The following SMCHD1 variants were observed in gnomAD, a reference collection of about 807,000 sequenced individuals.
SMCHD1 encodes the protein structural maintenance of chromosomes flexible hinge domain containing 1.
A neutral mutation model predicts 254.7 loss-of-function variants in SMCHD1; 78 were observed. That is an observed-to-expected ratio of 0.31 (90% CI 0.26 to 0.37). The LOEUF is 0.37. SMCHD1 is among the 10% of genes least tolerant of loss of function. The pLI, the probability that SMCHD1 is intolerant of heterozygous loss-of-function variation, is 1.00. For synonymous variants in SMCHD1, 766 were observed against 794.9 expected, an observed-to-expected ratio of 0.96 and a Z score of 0.61; for missense variants, 1,840 against 2,408.1, an observed-to-expected ratio of 0.76 and a Z score of 4.94.
intron 47 of SMCHD1, 55 bp from the exon 48 acceptor site, chr18:2,802,473 C>T: frequency 7.1e-7 from 1 of 1,414,688 alleles, no homozygotes; most frequent in Non-Finnish European, 9.6e-7. Flanking sequence ...TGAGGGAATT[C>T]AGGGAAAGGA....
At chr18:2,688,067 A>T (rs931117113) in intron 5 of SMCHD1, among the ~76,000 whole-genome samples, 3 of 152,236 alleles carry the variant, frequency 2.0e-5, no homozygotes, top group Non-Finnish European at 4.4e-5. Flanking sequence ...TTGAAGTAGC[A>T]AACAGTTTTG....
At chr18:2,790,663 A>G (rs553149022) in intron 45 of SMCHD1, among the ~76,000 whole-genome samples, 1 of 152,302 alleles carries the variant, frequency 6.6e-6, no homozygotes, top group Non-Finnish European at 1.5e-5. Flanking sequence ...TGGGAGGCTG[A>G]GACAAGAGAA....
intron 44 of SMCHD1, among the ~76,000 whole-genome samples, chr18:2,781,501 A>G (rs1410486042): frequency 6.6e-6 from 1 of 152,224 alleles, no homozygotes; most frequent in Non-Finnish European, 1.5e-5. Flanking sequence ...AATAATTTCC[A>G]CATTGAAAAT....
At chr18:2,688,578 T>C (rs1199848988) in intron 6 of SMCHD1, 50 bp from the exon 7 acceptor site, 3 of 1,579,452 alleles carry the variant, frequency 1.9e-6, no homozygotes, top group Admixed American at 1.8e-5. Context: ...TCTAAATGCA[T>C]TAACCAGTTT....
intron 36 of SMCHD1, among the ~76,000 whole-genome samples, chr18:2,763,201 G>C (rs1424151898): frequency 6.6e-6 from 1 of 152,088 alleles, no homozygotes; most frequent in Non-Finnish European, 1.5e-5. Flanking sequence ...TTACTCCAAG[G>C]GTCTTTGAAT....
At position 2,688,642 on chromosome 18, in the gene SMCHD1, T is replaced by C; in HGVS notation, c.768T>C (p.Pro256=). Residue 256 remains proline (P), a synonymous_variant, in exon 7 of 48, where the codon CCT becomes CCC. Transcript: ENST00000320876. ...ATATTTAACAGATGATAAGCAAACCTGCAGATTCCCAAGATGTTCACGAGC... is the reference window on the plus strand; with the variant it reads ...ATATTTAACAGATGATAAGCAAACCCGCAGATTCCCAAGATGTTCACGAGC... ...VGQSARMISK[P]ADSQDVHELV... is the part of the protein sequence containing the mutation. 6.4e-7 allele frequency: 1 copy of C among 1,558,874 alleles called. No homozygotes were observed. The highest frequency in any genetic ancestry group is 8.7e-7 in the Non-Finnish European group (1 of 1,152,788).
intron 20 of SMCHD1, among the ~76,000 whole-genome samples, chr18:2,723,117 C>G (rs1184787308): frequency 2.6e-5 from 4 of 152,136 alleles, no homozygotes; most frequent in African/African-American, 9.7e-5. Context: ...ATTTTCTCGA[C>G]CTTATGATTA....
In SMCHD1 at chr18:2,796,417, C is replaced by A. The variant is rs2143862551; in HGVS notation, c.5889C>A (p.Pro1963=). 6.3e-7 allele frequency: 1 copy of A among 1,586,566 alleles called. No homozygotes were observed. The highest frequency in any genetic ancestry group is 8.6e-7 in the Non-Finnish European group (1 of 1,164,894). The part of the protein sequence containing the change: ...KLIEEKLGMT[P]IRKCNDSLRH... Reference sequence around the variant, plus strand: ...TTTCCATCTTCACAGGTATGACTCCCATACGTAAGTGTAATGACTCATTGC... The same window carrying A: ...TTTCCATCTTCACAGGTATGACTCCAATACGTAAGTGTAATGACTCATTGC... The change falls in exon 47 of 48, where the codon CCC becomes CCA. Residue 1963 remains proline (P), a synonymous_variant. Transcript: ENST00000320876.
chr18:2,714,758 T>C (rs2074759887), intron 17 of SMCHD1, among the ~76,000 whole-genome samples: 1 of 152,050 alleles, frequency 6.6e-6, no homozygotes, highest in Admixed American at 6.5e-5. Flanking sequence ...AGTGAATTTC[T>C]TCAGGATTTG....
chr18:2,679,782 T>G lies in SMCHD1; in HGVS notation c.638+5637T>G, dbSNP rs185496659. ...AAAGTTTTTCTTCAAATTTGGGGAG[T>G]TTTTGGCCATTTTTTTCTCTAAGTA... On this transcript the variant is annotated intron_variant, in intron 5 of 47. Coordinates refer to ENST00000320876, the MANE Select transcript of SMCHD1 (RefSeq NM_015295.3). 3.5e-3 allele frequency among the ~76,000 whole-genome samples: 528 copies of G among 152,004 alleles called. 2 individuals carry two copies. Among genetic ancestry groups the G allele is most frequent in the Middle Eastern group, 0.01 (3 of 294 alleles).
intron 33 of SMCHD1, 87 bp downstream of exon 33, chr18:2,751,480 G>T: frequency 3.0e-6 from 2 of 674,644 alleles, no homozygotes; most frequent in South Asian, 3.8e-5. Flanking sequence ...AATATATAAT[G>T]TTATATAAAT....
At chr18:2,685,446 GA>G (rs1210815896) in intron 5 of SMCHD1, among the ~76,000 whole-genome samples, 3 of 152,118 alleles carry the variant, frequency 2.0e-5, no homozygotes, top group African/African-American at 7.2e-5. Flanking sequence ...ATTGTGGTAA[GA>G]TATAAATAAC....
Position 2,773,161 on chromosome 18 carries a change from C to T in SMCHD1, c.5175+789C>T, listed in dbSNP as rs956341207. On this transcript the variant is annotated intron_variant, in intron 41 of 47. Transcript: ENST00000320876. The stretch of plus-strand genomic sequence containing the variant: ...AATGTGTATGACCAAAACCGTGTTA[C>T]GTTATTACCCAAACCTCAGATCCGC... 7.9e-5 allele frequency among the ~76,000 whole-genome samples: 12 copies of T among 152,158 alleles called. No homozygotes were observed. The South Asian group carries it at 1.7e-3, about 21-fold the overall frequency.
chr18:2,751,319 A>G lies in SMCHD1; in HGVS notation c.4207A>G (p.Lys1403Glu). 1.3e-6 allele frequency: 2 copies of G among 1,580,462 alleles called. No homozygotes were observed. The highest frequency in any genetic ancestry group is 1.7e-6 in the Non-Finnish European group (2 of 1,168,540). ...TATTTCTGAAGATGACAGTATCATTAAAAACATTAATCCAGCACGTATTTC... is the reference window on the plus strand; with the variant it reads ...TATTTCTGAAGATGACAGTATCATTGAAAACATTAATCCAGCACGTATTTC... ...SVISEDDSII[K>E]NINPARISMK... The change falls in exon 33 of 48, where the codon AAA becomes GAA. Residue 1403 changes from lysine (K) to glutamate (E), a missense_variant. Physicochemically the swap from Lys to Glu is moderately conservative, Grantham distance 56 (BLOSUM62 1). Transcript: ENST00000320876.
Position 2,718,772 on chromosome 18 carries a change from C to T in SMCHD1, c.2458+338C>T, listed in dbSNP as rs115362576. Among the ~76,000 whole-genome samples the T allele has an allele frequency of 8.8e-3, 1,332 of 152,174 alleles. 22 individuals are homozygous for T. Among genetic ancestry groups the T allele is most frequent in the African/African-American group, 0.03 (1,261 of 41,506 alleles). On this transcript the variant is annotated intron_variant, in intron 19 of 47. Transcript: ENST00000320876. This position sits in a 1 kb window ranked among gnomAD's most constrained non-coding sequence, Gnocchi z 4.6. ...TTCGCCATGTTGACTAGGCTGGTCT[C>T]GATCTCATAACTTCTGATGATCTAC...
Position 2,703,827 on chromosome 18 carries a change from C to A in SMCHD1, c.1783C>A (p.Pro595Thr). ...RPDLPSKKQG[P>T]WATYAAIEWD... is the part of the protein sequence containing the mutation. ...TGATCTTCCTTCTAAAAAGCAAGGT[C>A]CCTGGGCAACATATGCAGCAATAGA... Residue 595 changes from proline (P) to threonine (T), a missense_variant, in exon 13 of 48, where the codon CCC becomes ACC. By Grantham distance (38) the Pro-to-Thr change is conservative. This residue lies in a region of SMCHD1 where 498 missense variants were observed against 743.5 expected (regional missense o/e 0.67). Transcript: ENST00000320876. 1 of 1,612,730 alleles carries A rather than the reference C, an allele frequency of 6.2e-7. No homozygotes were observed. Among genetic ancestry groups the A allele is most frequent in the South Asian group, 1.1e-5 (1 of 90,986 alleles).
At chr18:2,777,144 C>CTAAG (rs1555653871) in intron 42 of SMCHD1, among the ~76,000 whole-genome samples, 1 of 150,280 alleles carries the variant, frequency 6.7e-6, no homozygotes, top group African/African-American at 2.4e-5. Context: ...TCCCTGGAGA[C>CTAAG]TAAGTTAAGG....
intron 7 of SMCHD1, among the ~76,000 whole-genome samples, chr18:2,690,405 C>T (rs611620): frequency 0.82 from 125,426 of 152,216 alleles, 55,124 homozygotes; most frequent in East Asian, 1. Flanking sequence ...CTTTGCATAA[C>T]ATCTTACCTG....
chr18:2,680,402 A>G (rs1467306241), intron 5 of SMCHD1, among the ~76,000 whole-genome samples: 4 of 152,146 alleles, frequency 2.6e-5, no homozygotes, highest in African/African-American at 7.2e-5. Context: ...TTACCCTTGA[A>G]GTTTCTGATT....
Sources: gnomAD v4.1 joint callset for allele counts (sites outside exome capture counted in the v4.1 genomes callset) on GRCh38, gnomAD v4.1.1 for gene constraint, gnomAD v4.1.1 regional missense constraint, Gnocchi (gnomAD v3.1) non-coding constraint, MANE v1.5 for transcripts, NCBI Gene and HGNC (gene_info 2026-07-23, HGNC 2026-07-21) for gene names.